FGF14: variants seen among roughly 807,000 people sequenced by gnomAD.
FGF14 encodes fibroblast growth factor homologous factor 4.
A neutral mutation model predicts 25.5 loss-of-function variants in FGF14; 5 were observed. The ratio of observed to expected loss-of-function variants is 0.20; its 90% CI spans 0.10 to 0.41. The LOEUF (loss-of-function observed/expected upper bound fraction) is 0.41. Ranked by LOEUF, FGF14 falls within the 10% of genes least tolerant of loss-of-function variation. The pLI, the probability that FGF14 is intolerant of heterozygous loss-of-function variation, is 1.00. For missense variants in FGF14, 222 were observed against 320.1 expected (o/e 0.69, Z 2.34); for synonymous variants, 138 against 118.3 (o/e 1.17, Z -1.08).
chr13:102,155,069 C>A (rs1344459788), intron 1 of FGF14, among the ~76,000 whole-genome samples: 1 of 152,180 alleles, frequency 6.6e-6, no homozygotes, highest in South Asian at 2.1e-4. Context: ...TAATGGGAGA[C>A]TTTAACACCC....
intron 1 of FGF14, among the ~76,000 whole-genome samples, chr13:102,345,606 T>C (rs2057082815): frequency 6.6e-6 from 1 of 152,260 alleles, no homozygotes; most frequent in Non-Finnish European, 1.5e-5. Context: ...TGGGTTGTTC[T>C]TTTCTAGAAG....
chr13:101,752,149 A>C (rs2037326808), intron 3 of FGF14, among the ~76,000 whole-genome samples: 1 of 152,192 alleles, frequency 6.6e-6, no homozygotes, highest in Non-Finnish European at 1.5e-5. Context: ...CCTTTGATAC[A>C]CTTTAACTCC....
intron 3 of FGF14, among the ~76,000 whole-genome samples, chr13:101,856,928 T>C (rs1472234082): frequency 2.6e-5 from 4 of 151,968 alleles, no homozygotes; most frequent in Admixed American, 2.6e-4. Context: ...TGGTCTACGG[T>C]ATAGGTAATA....
intron 1 of FGF14, among the ~76,000 whole-genome samples, chr13:102,040,714 T>A (rs142207187): frequency 6.6e-6 from 1 of 152,298 alleles, no homozygotes; most frequent in Non-Finnish European, 1.5e-5. Context: ...TGAAAACACA[T>A]AAGTGAAAAG....
chr13:102,118,020 A>G (rs2045553282), intron 1 of FGF14, among the ~76,000 whole-genome samples: 1 of 152,146 alleles, frequency 6.6e-6, no homozygotes, highest in Non-Finnish European at 1.5e-5. Context: ...AAATGAATAT[A>G]ACTGTATGCC....
intron 1 of FGF14, among the ~76,000 whole-genome samples, chr13:102,032,026 T>C (rs2041237509): frequency 1.3e-5 from 2 of 152,140 alleles, no homozygotes; most frequent in African/African-American, 4.8e-5. Flanking sequence ...ATGTTGAATT[T>C]ATAACATCAA....
In FGF14 at chr13:101,910,292, A is replaced by T. The variant is rs143477883; in HGVS notation, c.193+6161T>A. ...ATCAGACCAAAATAATAATAATAATAATTATCCAATTATAGCCATTGCTAT... is the reference window on the plus strand; with the variant it reads ...ATCAGACCAAAATAATAATAATAATTATTATCCAATTATAGCCATTGCTAT... On this transcript the variant is annotated intron_variant, in intron 1 of 4. Coordinates refer to ENST00000376143, the MANE Select transcript of FGF14 (RefSeq NM_004115.4). Among the ~76,000 whole-genome samples the T allele has an allele frequency of 1.1e-4, 16 of 152,272 alleles. No individual in the cohort carries two copies. In the East Asian group the frequency reaches 1.7e-3, roughly 17 times the overall value.
At chr13:102,358,514 G>A (rs2057478089) in intron 1 of FGF14, among the ~76,000 whole-genome samples, 1 of 152,142 alleles carries the variant, frequency 6.6e-6, no homozygotes, top group African/African-American at 2.4e-5. Flanking sequence ...AAGCTGTTAA[G>A]GCCCAGTTCA....
intron 3 of FGF14, among the ~76,000 whole-genome samples, chr13:101,737,073 GGGAGTA>G (rs1241077269): frequency 2.1e-4 from 30 of 141,856 alleles, no homozygotes; most frequent in Admixed American, 8.5e-4. Flanking sequence ...GCATTGGGTT[GGGAGTA>G]GGATATGACC....
chr13:102,401,808 G>C (rs986126429), upstream of FGF14: 8 of 792,812 alleles, frequency 1.0e-5, no homozygotes, highest in African/African-American at 1.7e-5. Flanking sequence ...ATCACCACCG[G>C]ATTATTACCA....
chr13:102,264,285 CACCA>C (rs897811712), intron 1 of FGF14, among the ~76,000 whole-genome samples: 5 of 152,108 alleles, frequency 3.3e-5, no homozygotes, highest in African/African-American at 1.2e-4. Flanking sequence ...TGAACACTGA[CACCA>C]ACGCAAAGTT....
chr13:102,263,261 TA>T, intron 1 of FGF14: 1 of 346,170 alleles, frequency 2.9e-6, no homozygotes. Flanking sequence ...CGATTTATTT[TA>T]AAAAGCAGAT....
intron 1 of FGF14, among the ~76,000 whole-genome samples, chr13:101,990,998 AC>A (rs1252341441): frequency 6.6e-6 from 1 of 152,142 alleles, no homozygotes. Context: ...TCCTATTTAT[AC>A]TAATGGAGCA....
At chr13:102,186,093 A>AT (rs1760536646) in intron 1 of FGF14, among the ~76,000 whole-genome samples, 2 of 152,110 alleles carry the variant, frequency 1.3e-5, no homozygotes, top group South Asian at 4.1e-4. Flanking sequence ...ACATGATGTG[A>AT]TTTTTTTCCA....
chr13:102,197,392 T>C (rs1026612044), intron 1 of FGF14, among the ~76,000 whole-genome samples: 2 of 152,100 alleles, frequency 1.3e-5, no homozygotes, highest in African/African-American at 4.8e-5. Flanking sequence ...AAAGTACAAA[T>C]TGAGCTCTAG....
intron 1 of FGF14, among the ~76,000 whole-genome samples, chr13:102,157,179 A>C (rs961435674): frequency 1.3e-5 from 2 of 152,190 alleles, no homozygotes; most frequent in Non-Finnish European, 2.9e-5. Flanking sequence ...TATGGAACCA[A>C]AAAAGAGCCC....
chr13:102,004,532 TAAC>T (rs1438391973), intron 1 of FGF14, among the ~76,000 whole-genome samples: 1 of 152,198 alleles, frequency 6.6e-6, no homozygotes, highest in African/African-American at 2.4e-5. Context: ...TCTCTCTCTA[TAAC>T]AACAAGCCTC....
intron 1 of FGF14, among the ~76,000 whole-genome samples, chr13:102,194,814 C>G (rs1358142606): frequency 6.6e-6 from 1 of 151,922 alleles, no homozygotes; most frequent in African/African-American, 2.4e-5. Flanking sequence ...ATATCATAAT[C>G]GAATTGTTGT....
intron 1 of FGF14, among the ~76,000 whole-genome samples, chr13:102,316,473 T>C (rs1377147040): frequency 6.6e-6 from 1 of 152,150 alleles, no homozygotes; most frequent in Non-Finnish European, 1.5e-5. Flanking sequence ...AATAAATGAA[T>C]AATTTTTAAA....
Sources: gnomAD v4.1 joint callset for allele counts (sites outside exome capture counted in the v4.1 genomes callset) on GRCh38, gnomAD v4.1.1 for gene constraint, MANE v1.5 for transcripts, NCBI Gene and HGNC (gene_info 2026-07-23, HGNC 2026-07-21) for gene names.